PCDHGB1: variants seen among roughly 807,000 people sequenced by gnomAD.
The protein encoded by PCDHGB1 is protocadherin gamma subfamily B, 1.
PCDHGB1 carries 34 observed loss-of-function variants against 56.6 expected under a neutral mutation model. That is an observed-to-expected ratio of 0.60 (90% CI 0.46 to 0.80). The LOEUF is 0.80. PCDHGB1 is among the 30% of genes least tolerant of loss of function. The probability of loss-of-function intolerance (pLI) is 0.00; values close to 1 mark genes in which losing one functional copy is unlikely to be tolerated. For synonymous variants in PCDHGB1, 561 were observed against 505.9 expected (o/e 1.11, Z -1.46); for missense variants, 1,278 against 1,204.6 (o/e 1.06, Z -0.90).
chr5:141,365,164 C>T lies in PCDHGB1; in HGVS notation c.2409+12495C>T, dbSNP rs548514157. The T allele has an allele frequency of 2.2e-5, 35 of 1,613,882 alleles. No individual in the cohort carries two copies. The East Asian group carries it at 7.1e-4, about 33-fold the overall frequency. On this transcript the variant is annotated intron_variant, in intron 1 of 3. Coordinates refer to ENST00000523390, the MANE Select transcript of PCDHGB1 (RefSeq NM_018922.3). ...ATGAGGGAATAAACGGGAAATTGAC[C>T]TACTCTTTTCGCAATGAAGAAGAAA...
Position 141,374,021 on chromosome 5 carries a change from C to G in PCDHGB1, c.2409+21352C>G. 3 of 1,406,168 alleles carry G rather than the reference C, an allele frequency of 2.1e-6. No homozygotes were observed. In the South Asian group the frequency reaches 5.2e-5, roughly 24 times the overall value. The allele number at this position is 1,406,168 out of a possible 1,614,324, so 87.1% of individuals were successfully genotyped here. The stretch of plus-strand genomic sequence containing the variant: ...CCTTCACCGCTATTTCTGAGAAGAG[C>G]AAAAGTGATGCAGATCTGTTCTTCC... On this transcript the variant is annotated intron_variant, in intron 1 of 3. Transcript: ENST00000523390.
At chr5:141,394,219 C>T (rs1355390708) in intron 1 of PCDHGB1, 1 of 1,613,786 alleles carries the variant, frequency 6.2e-7, no homozygotes, top group Non-Finnish European at 8.5e-7. Context: ...CTGAGAGGAG[C>T]CTCCATCTTT....
rs1295398348 is a variant in PCDHGB1 at position 141,351,677 on chromosome 5, T to C, written c.1417T>C (p.Ser473Pro). ...PGASIAQVSASDPDLGPNGRV... is the reference protein window; with the variant it reads ...PGASIAQVSAPDPDLGPNGRV... Reference sequence around the variant, plus strand: ...CGCCTCCATTGCACAAGTAAGCGCCTCCGACCCGGATTTGGGACCCAACGG... The same window carrying C: ...CGCCTCCATTGCACAAGTAAGCGCCCCCGACCCGGATTTGGGACCCAACGG... The change falls in exon 1 of 4, where the codon TCC (serine) becomes CCC (proline). Residue 473 changes from serine (S) to proline (P), a missense_variant. Ser to Pro is a moderately conservative substitution (Grantham distance 74). Coordinates refer to ENST00000523390, the MANE Select transcript of PCDHGB1 (RefSeq NM_018922.3). The C allele has an allele frequency of 6.2e-7, 1 of 1,613,958 alleles. No homozygotes were observed.
At chr5:141,420,036 G>A (rs1370492350) in intron 1 of PCDHGB1, 1 of 1,614,078 alleles carries the variant, frequency 6.2e-7, no homozygotes. Flanking sequence ...GCAGGAGACT[G>A]CTTTGAGTCA....
chr5:141,372,183 G>C lies in PCDHGB1; in HGVS notation c.2409+19514G>C, dbSNP rs770498510. 5 of 1,613,672 alleles carry C rather than the reference G, an allele frequency of 3.1e-6. No individual in the cohort carries two copies. The Admixed American group carries it at 8.3e-5, about 27-fold the overall frequency. On this transcript the variant is annotated intron_variant, in intron 1 of 3. Coordinates refer to ENST00000523390, the MANE Select transcript of PCDHGB1 (RefSeq NM_018922.3). ...GACCAAGGTGGTGGCGGTGGACGCA[G>C]ACTCGGGATACAACGCCTGGCTGTC...
chr5:141,380,433 A>C (rs1228885429), intron 1 of PCDHGB1, among the ~76,000 whole-genome samples: 1 of 152,256 alleles, frequency 6.6e-6, no homozygotes, highest in Non-Finnish European at 1.5e-5. Flanking sequence ...TAGACTTTAC[A>C]TAGAATTCTT....
intron 1 of PCDHGB1, chr5:141,420,929 G>A (rs1321290902): frequency 1.4e-5 from 5 of 362,196 alleles, no homozygotes; most frequent in Non-Finnish European, 2.5e-5. Flanking sequence ...AAAGGTGAGC[G>A]TAATCATTTC....
intron 1 of PCDHGB1, among the ~76,000 whole-genome samples, chr5:141,425,219 G>T (rs779272038): frequency 2.0e-5 from 3 of 152,148 alleles, no homozygotes; most frequent in Non-Finnish European, 2.9e-5. Context: ...ATTGTACTTT[G>T]ACTGGAATTA....
chr5:141,413,013 C>A, intron 1 of PCDHGB1: 2 of 661,008 alleles, frequency 3.0e-6, no homozygotes, highest in Admixed American at 6.8e-5. Context: ...GCTTCAACTA[C>A]ACAAGCCCCA....
In PCDHGB1 at chr5:141,490,294, T is replaced by C. The variant is rs766906839; in HGVS notation, c.2410-4513T>C. ...CAATGACAATGCCCCAGAGGTGCTA[T>C]TGGCCTCTTTGGCCAACCCTGTCCT... On this transcript the variant is annotated intron_variant, in intron 1 of 3. Transcript: ENST00000523390. This position sits in a 1 kb window ranked among gnomAD's most constrained non-coding sequence, Gnocchi z 5.4. The C allele has an allele frequency of 5.6e-6, 9 of 1,614,104 alleles. No individual in the cohort carries two copies. The East Asian group carries it at 1.3e-4, about 24-fold the overall frequency.
At chr5:141,383,933 C>T (rs963043498) in intron 1 of PCDHGB1, 3 of 1,613,844 alleles carry the variant, frequency 1.9e-6, no homozygotes, top group East Asian at 2.2e-5. Context: ...GATAATGCTC[C>T]AGAAGTGACT....
At chr5:141,363,237 CATTTTCTACA>C (rs1481168613) in intron 1 of PCDHGB1, among the ~76,000 whole-genome samples, 1 of 152,240 alleles carries the variant, frequency 6.6e-6, no homozygotes, top group Non-Finnish European at 1.5e-5. Context: ...ATGTTCACAT[CATTTTCTACA>C]AAATATTACT....
chr5:141,415,657 G>A, intron 1 of PCDHGB1: 1 of 1,576,236 alleles, frequency 6.3e-7, no homozygotes, highest in Non-Finnish European at 8.6e-7. Flanking sequence ...AAAAAAGATT[G>A]GTTTTTACTT....
chr5:141,366,665 C>A (rs779874955), intron 1 of PCDHGB1: 2 of 1,614,100 alleles, frequency 1.2e-6, no homozygotes, highest in East Asian at 4.5e-5. Context: ...CGCAGACACG[C>A]TCCTTAGTGA....
rs138881803 is a variant in PCDHGB1 at position 141,361,343 on chromosome 5, A to G, written c.2409+8674A>G. On this transcript the variant is annotated intron_variant, in intron 1 of 3. Transcript: ENST00000523390. ...AAATCTTCCTCAAAGAACTATTACA[A>G]ACTAGTGACAGACGGCGCTCTGGAC... is the stretch of plus-strand genomic sequence containing the variant. 47 of 1,613,938 alleles carry G rather than the reference A, an allele frequency of 2.9e-5. No homozygotes were observed. In the African/African-American group the frequency reaches 6.0e-4, roughly 21 times the overall value.
rs1340366910 is a variant in PCDHGB1 at position 141,490,965 on chromosome 5, C to T, written c.2410-3842C>T. The T allele has an allele frequency of 2.5e-6, 4 of 1,613,738 alleles. No homozygotes were observed. The highest frequency in any genetic ancestry group is 2.7e-5 in the African/African-American group (2 of 74,934). On this transcript the variant is annotated intron_variant, in intron 1 of 3. Transcript: ENST00000523390. This position sits in a 1 kb window ranked among gnomAD's most constrained non-coding sequence, Gnocchi z 5.4. Reference sequence around the variant, plus strand: ...CACGGCCAGACTGGGAACACTCAGCCCCCCAGCGTCTCCCTCGCTCTGCTC... The same window carrying T: ...CACGGCCAGACTGGGAACACTCAGCTCCCCAGCGTCTCCCTCGCTCTGCTC...
intron 1 of PCDHGB1, chr5:141,395,466 TC>T (rs951026760): frequency 3.5e-6 from 2 of 577,354 alleles, no homozygotes; most frequent in Non-Finnish European, 5.8e-6. Context: ...TTTTAAGCCT[TC>T]CAGTATTTTA....
chr5:141,430,952 C>G, intron 1 of PCDHGB1: 2 of 1,610,382 alleles, frequency 1.2e-6, no homozygotes, highest in African/African-American at 2.7e-5. Flanking sequence ...GCGCGGAGTC[C>G]GCATCATCCC....
At chr5:141,389,313 C>A (rs1279349887) in intron 1 of PCDHGB1, 2 of 1,614,024 alleles carry the variant, frequency 1.2e-6, no homozygotes, top group Admixed American at 3.3e-5. Context: ...GGCTTCTGAT[C>A]CGGACTTGGG....
Sources: gnomAD v4.1 joint callset for allele counts (sites outside exome capture counted in the v4.1 genomes callset) on GRCh38, gnomAD v4.1.1 for gene constraint, Gnocchi (gnomAD v3.1) non-coding constraint, MANE v1.5 for transcripts, NCBI Gene and HGNC (gene_info 2026-07-23, HGNC 2026-07-21) for gene names.